KCNH1: variants seen among roughly 807,000 people sequenced by gnomAD.
The protein encoded by KCNH1 is potassium voltage-gated channel subfamily H member 1.
Under a neutral mutation model 69.2 loss-of-function variants are expected in KCNH1, and 27 were observed. That is an observed-to-expected ratio of 0.39 (90% CI 0.29 to 0.54). The LOEUF (loss-of-function observed/expected upper bound fraction) is 0.54. KCNH1 is among the 20% of genes least tolerant of loss of function. KCNH1 has a pLI of 0.68. For synonymous variants in KCNH1, 456 were observed against 487.7 expected (o/e 0.93, Z 0.86); for missense variants, 798 against 1,261.6 (o/e 0.63, Z 5.57).
In KCNH1 at chr1:211,107,396, A is replaced by G. The variant is rs774359958; in HGVS notation, c.80-19T>C. ...TTAGTATCTGTTAAAAAAAAAAAAA[A>G]GGGAAAAAAGGGCACATGAGGCAAC... On this transcript the variant is annotated intron_variant, in intron 1 of 10. Coordinates refer to ENST00000271751, the MANE Select transcript of KCNH1 (RefSeq NM_172362.3). 48 of 1,292,236 alleles carry G rather than the reference A, an allele frequency of 3.7e-5. No homozygotes were observed. The highest frequency in any genetic ancestry group is 4.1e-4 in the Middle Eastern group (2 of 4,858). The allele number at this position is 1,292,236 out of a possible 1,614,324, so 80.0% of individuals were successfully genotyped here. A position where few individuals can be genotyped will look rare whatever the true frequency, so the allele number is the denominator to read the frequency against.
intron 10 of KCNH1, among the ~76,000 whole-genome samples, chr1:210,687,691 G>A (rs970734171): frequency 6.6e-6 from 1 of 152,212 alleles, no homozygotes; most frequent in Non-Finnish European, 1.5e-5. Flanking sequence ...TACTAACTTC[G>A]ACTGCTTTTC....
intron 9 of KCNH1, among the ~76,000 whole-genome samples, chr1:210,784,294 C>T (rs1237233202): frequency 6.6e-6 from 1 of 152,210 alleles, no homozygotes; most frequent in African/African-American, 2.4e-5. Flanking sequence ...AGGTACAAAG[C>T]TCTGCTTTTT....
At chr1:211,131,270 T>C (rs552265049) in intron 1 of KCNH1, among the ~76,000 whole-genome samples, 3 of 152,140 alleles carry the variant, frequency 2.0e-5, no homozygotes, top group Non-Finnish European at 4.4e-5. Context: ...AGTACTATTA[T>C]TCATTATCAT....
chr1:211,103,808 A>T (rs1275256926), intron 2 of KCNH1, among the ~76,000 whole-genome samples: 2 of 152,270 alleles, frequency 1.3e-5, no homozygotes, highest in East Asian at 3.8e-4. Flanking sequence ...TAACAGTCTA[A>T]TGAGAGATAC....
At chr1:210,980,230 C>T (rs1009101582) in intron 6 of KCNH1, among the ~76,000 whole-genome samples, 3 of 152,162 alleles carry the variant, frequency 2.0e-5, no homozygotes, top group African/African-American at 7.2e-5. Context: ...AGCTCAACTA[C>T]AAACCTGATC....
chr1:210,841,875 C>T (rs1339785600), intron 7 of KCNH1, among the ~76,000 whole-genome samples: 1 of 152,136 alleles, frequency 6.6e-6, no homozygotes, highest in African/African-American at 2.4e-5. Context: ...TGTTGTCTTT[C>T]AATCCCATGC....
At chr1:210,745,890 A>C (rs1308881982) in intron 10 of KCNH1, among the ~76,000 whole-genome samples, 1 of 152,178 alleles carries the variant, frequency 6.6e-6, no homozygotes, top group South Asian at 2.1e-4. Context: ...GGGTGGTAGC[A>C]GAGTAACAGG....
At chr1:210,795,066 A>G (rs1236936709) in intron 9 of KCNH1, among the ~76,000 whole-genome samples, 4 of 152,144 alleles carry the variant, frequency 2.6e-5, no homozygotes, top group Admixed American at 6.5e-5. Flanking sequence ...GGAATCTAGA[A>G]CACTTATTTT....
At chr1:210,806,112 T>C (rs1226516754) in intron 7 of KCNH1, among the ~76,000 whole-genome samples, 2 of 152,234 alleles carry the variant, frequency 1.3e-5, no homozygotes, top group Non-Finnish European at 2.9e-5. Context: ...ATACGGTTAC[T>C]AGGTTTAACA....
chr1:210,916,769 A>T (rs1336506498), intron 7 of KCNH1, among the ~76,000 whole-genome samples: 3 of 152,206 alleles, frequency 2.0e-5, no homozygotes, highest in Non-Finnish European at 4.4e-5. Context: ...TGCTCAAGGA[A>T]ATGGTGTTAA....
rs745702403 is a variant in KCNH1, at chr1:211,018,863, C to A, written c.952G>T (p.Val318Phe). 1.9e-6 allele frequency: 3 copies of A among 1,614,072 alleles called. No homozygotes were observed. Among genetic ancestry groups the A allele is most frequent in the Non-Finnish European group, 2.5e-6 (3 of 1,179,972 alleles). The change falls in exon 6 of 11, where the codon GTT becomes TTT. Residue 318 changes from valine to phenylalanine, a missense_variant. Coordinates refer to ENST00000271751, the MANE Select transcript of KCNH1 (RefSeq NM_172362.3). ...VINAFENVDE[V>F]SAFMGDPGKI... ...CCTGGATCACCCATAAAGGCACTAACCTCATCCACGTTCTCAAAAGCGTTG... is the reference window on the plus strand; with the variant it reads ...CCTGGATCACCCATAAAGGCACTAAACTCATCCACGTTCTCAAAAGCGTTG...
intron 10 of KCNH1, among the ~76,000 whole-genome samples, chr1:210,739,874 A>C (rs1263839897): frequency 2.0e-5 from 3 of 152,332 alleles, no homozygotes; most frequent in Middle Eastern, 3.4e-3. Flanking sequence ...ACACAAACCC[A>C]GTTGAATTCA....
intron 7 of KCNH1, among the ~76,000 whole-genome samples, chr1:210,914,470 A>T (rs1420667616): frequency 2.6e-5 from 4 of 152,090 alleles, no homozygotes; most frequent in African/African-American, 9.7e-5. Flanking sequence ...ATTTGAATGC[A>T]AGTGACAATA....
At chr1:210,910,317 A>C (rs1342871630) in intron 7 of KCNH1, among the ~76,000 whole-genome samples, 1 of 150,892 alleles carries the variant, frequency 6.6e-6, no homozygotes, top group Non-Finnish European at 1.5e-5. Flanking sequence ...GCCTTACTGC[A>C]AAATGTTGCA....
chr1:210,783,318 T>A (rs761780417), intron 9 of KCNH1, among the ~76,000 whole-genome samples: 37 of 152,332 alleles, frequency 2.4e-4, no homozygotes, highest in Admixed American at 3.9e-4. Flanking sequence ...TGGGTGGGCA[T>A]AATGCTAGGT....
chr1:210,691,622 CT>C (rs1490787194), intron 10 of KCNH1, among the ~76,000 whole-genome samples: 1 of 152,144 alleles, frequency 6.6e-6, no homozygotes, highest in East Asian at 1.9e-4. Flanking sequence ...CCACTAGTGT[CT>C]TTGTGTCCAT....
At chr1:210,835,832 T>C (rs1159350772) in intron 7 of KCNH1, among the ~76,000 whole-genome samples, 3 of 152,058 alleles carry the variant, frequency 2.0e-5, no homozygotes, top group Non-Finnish European at 2.9e-5. Context: ...CAACTCCTTA[T>C]AAAACTTGAT....
chr1:210,905,422 T>C (rs923663367), intron 7 of KCNH1, among the ~76,000 whole-genome samples: 4 of 152,136 alleles, frequency 2.6e-5, no homozygotes, highest in African/African-American at 7.2e-5. Context: ...TACTGTCAAG[T>C]ACCAGGAACT....
chr1:211,123,489 T>C (rs914855799), intron 1 of KCNH1, among the ~76,000 whole-genome samples: 6 of 151,476 alleles, frequency 4.0e-5, no homozygotes, highest in Admixed American at 1.3e-4. Context: ...TATGGATAGG[T>C]GGAGGCAGAG....
Sources: allele counts gnomAD v4.1 joint callset (sites outside exome capture counted in the v4.1 genomes callset), GRCh38; gene constraint gnomAD v4.1.1; transcripts MANE v1.5; gene names NCBI Gene and HGNC (gene_info 2026-07-23, HGNC 2026-07-21).